The following CEP120 variants were observed in gnomAD, a reference collection of about 807,000 sequenced individuals.
CEP120 encodes centrosomal protein of 120 kDa.
In CEP120, 113 loss-of-function variants were observed where a neutral mutation model predicts 126.5. That is an observed-to-expected ratio of 0.89 (90% confidence interval 0.77 to 1.04). The LOEUF is 1.04. Among genes scored for constraint, CEP120 ranks in the 50% least tolerant of loss-of-function variants. The probability of loss-of-function intolerance (pLI) is 0.00; values close to 1 mark genes in which losing one functional copy is unlikely to be tolerated. For missense variants in CEP120, 1,230 were observed against 1,155.7 expected, an observed-to-expected ratio of 1.06 and a Z score of -0.93; for synonymous variants, 400 against 394.3, an observed-to-expected ratio of 1.01 and a Z score of -0.17.
chr5:123,362,946 C>T (rs1462607476), intron 18 of CEP120, among the ~76,000 whole-genome samples: 1 of 151,616 alleles, frequency 6.6e-6, no homozygotes, highest in Non-Finnish European at 1.5e-5. Flanking sequence ...AACTGTATTT[C>T]CAAAACTGGA....
chr5:123,375,990 ATTCT>A (rs1207595299), intron 16 of CEP120, among the ~76,000 whole-genome samples: 2 of 143,686 alleles, frequency 1.4e-5, no homozygotes, highest in East Asian at 3.9e-4. Context: ...TAACAGCTTG[ATTCT>A]TTTTTTTTTT....
At chr5:123,373,495 G>A (rs1227622543) in intron 16 of CEP120, among the ~76,000 whole-genome samples, 4 of 152,038 alleles carry the variant, frequency 2.6e-5, no homozygotes, top group Non-Finnish European at 5.9e-5. Flanking sequence ...CCAAAGAACA[G>A]GAGCATAAAG....
chr5:123,423,140 C>A lies in CEP120; in HGVS notation c.-142G>T. ...CCCGGACCCCGCTCCGCAGCCAGGT[C>A]CCACCGCCGTCTGCTGCAGCGCGCC... On this transcript the variant is annotated 5_prime_UTR_variant, in exon 1 of 20. Transcript: ENST00000306467. 1 of 684,156 alleles carries A rather than the reference C, an allele frequency of 1.5e-6. No individual in the cohort carries two copies. Among genetic ancestry groups the A allele is most frequent in the Non-Finnish European group, 2.6e-6 (1 of 391,638 alleles). The allele number at this position is 684,156 out of a possible 1,614,324, so 42.4% of individuals were successfully genotyped here. A position where few individuals can be genotyped will look rare whatever the true frequency, so the allele number is the denominator to read the frequency against.
At position 123,391,166 on chromosome 5, in the gene CEP120, G is replaced by C; in HGVS notation, c.982C>G (p.Leu328Val). 6.2e-7 allele frequency: 1 copy of C among 1,614,178 alleles called. No individual in the cohort carries two copies. Among genetic ancestry groups the C allele is most frequent in the Non-Finnish European group, 8.5e-7 (1 of 1,180,026 alleles). The change falls in exon 7 of 20, where the codon CTA (leucine) becomes GTA (valine). Residue 328 changes from leucine (L) to valine (V), a missense_variant. Physicochemically the swap from Leu to Val is conservative, Grantham distance 32 (BLOSUM62 1). Transcript: ENST00000306467. The part of the protein sequence containing the change: ...KQKLAPIPVE[L>V]APTVGVSVAL... ...ACAGACACTCCCACAGTTGGGGCTAGCTCCACAGGAATAGGTGCAAGCTTC... is the reference window on the plus strand; with the variant it reads ...ACAGACACTCCCACAGTTGGGGCTACCTCCACAGGAATAGGTGCAAGCTTC...
chr5:123,347,431 T>A (rs1768903847), intron 19 of CEP120, among the ~76,000 whole-genome samples: 2 of 152,214 alleles, frequency 1.3e-5, no homozygotes, highest in Admixed American at 1.3e-4. Context: ...AGTTGAGTTG[T>A]ATCTCTATTT....
rs753990487 is a variant in CEP120, at chr5:123,364,563, G to C, written c.2513C>G (p.Thr838Ser). Residue 838 changes from threonine (T) to serine (S), a missense_variant, in exon 18 of 20, where the codon ACT becomes AGT. Thr to Ser is a moderately conservative substitution (Grantham distance 58). Coordinates refer to ENST00000306467, the MANE Select transcript of CEP120 (RefSeq NM_001375405.1). ...CTGCTTGTAATGCAGTTTAGACTTA[G>C]TTGCAGATTCCAACTTTCTTTCAAG... is the stretch of plus-strand genomic sequence containing the variant. ...VELERKLESATKSKLHYKQQW... is the reference protein window; with the variant it reads ...VELERKLESASKSKLHYKQQW... 2.5e-6 allele frequency: 4 copies of C among 1,605,908 alleles called. No homozygotes were observed. The highest frequency in any genetic ancestry group is 8.5e-7 in the Non-Finnish European group (1 of 1,174,850).
chr5:123,384,817 A>G (rs1771907634), intron 11 of CEP120, 134 bp downstream of exon 11: 2 of 716,642 alleles, frequency 2.8e-6, no homozygotes, highest in South Asian at 2.1e-5. Flanking sequence ...AAGATCAGAA[A>G]AAGGAGGTTA....
chr5:123,418,860 G>A (rs1774541973), intron 1 of CEP120, among the ~76,000 whole-genome samples: 1 of 152,146 alleles, frequency 6.6e-6, no homozygotes, highest in South Asian at 2.1e-4. Context: ...TGGGATTACA[G>A]GCATGAGCCA....
Position 123,423,330 on chromosome 5 carries a change from G to GCCGCCGCCGCGC in CEP120, c.-344_-333dup. On this transcript the variant is annotated 5_prime_UTR_variant, in exon 1 of 20. Coordinates refer to ENST00000306467, the MANE Select transcript of CEP120 (RefSeq NM_001375405.1). ...TTCAAACGCCCGGGCGGCCGCAGCG[G>GCCGCCGCCGCGC]CCGCCGCCGCGCCCAGCTTCCGCCT... is the stretch of plus-strand genomic sequence containing the variant. The GCCGCCGCCGCGC allele has an allele frequency of 2.9e-6, 1 of 345,384 alleles. No homozygotes were observed. Among genetic ancestry groups the GCCGCCGCCGCGC allele is most frequent in the Non-Finnish European group, 5.3e-6 (1 of 188,164 alleles). The allele number at this position is 345,384 out of a possible 1,614,324, so 21.4% of individuals were successfully genotyped here. A position where few individuals can be genotyped will look rare whatever the true frequency, so the allele number is the denominator to read the frequency against.
chr5:123,399,799 G>C (rs1342580997), intron 4 of CEP120, among the ~76,000 whole-genome samples: 2 of 152,158 alleles, frequency 1.3e-5, no homozygotes, highest in East Asian at 3.9e-4. Context: ...ATATCATACA[G>C]TCCTTCTGTA....
intron 4 of CEP120, chr5:123,401,514 C>T (rs62376438): frequency 0.44 from 560,596 of 1,282,874 alleles, 123,421 homozygotes; most frequent in Middle Eastern, 0.49. Flanking sequence ...CTCTCAGCCT[C>T]GGCCTGGCTG....
At chr5:123,347,531 T>C (rs1330450177) in intron 19 of CEP120, among the ~76,000 whole-genome samples, 1 of 152,206 alleles carries the variant, frequency 6.6e-6, no homozygotes, top group African/African-American at 2.4e-5. Flanking sequence ...ATGTTTGTTA[T>C]AATCTCATTT....
intron 5 of CEP120, among the ~76,000 whole-genome samples, 157 bp downstream of exon 5, chr5:123,398,979 T>G (rs1304461375): frequency 1.3e-5 from 2 of 152,090 alleles, no homozygotes; most frequent in African/African-American, 4.8e-5. Flanking sequence ...AATTAAGAAG[T>G]TTTCTTTCCA....
chr5:123,403,015 C>T (rs753585413), intron 4 of CEP120, among the ~76,000 whole-genome samples: 2 of 152,208 alleles, frequency 1.3e-5, no homozygotes, highest in African/African-American at 2.4e-5. Flanking sequence ...GCCTCCAGCA[C>T]TGCGAGAAAT....
intron 17 of CEP120, among the ~76,000 whole-genome samples, chr5:123,371,936 G>A (rs924220662): frequency 1.3e-5 from 2 of 151,982 alleles, no homozygotes; most frequent in Non-Finnish European, 2.9e-5. Flanking sequence ...TTTTAATCAT[G>A]CCTAAAAGTT....
In CEP120 at chr5:123,353,729, T is replaced by C. The variant is rs868009738; in HGVS notation, c.2581-3640A>G. On this transcript the variant is annotated intron_variant, in intron 18 of 19. Coordinates refer to ENST00000306467, the MANE Select transcript of CEP120 (RefSeq NM_001375405.1). ...GTGTATCAGTTTTGGAAGTTCTTCT[T>C]TCAAATTCACATGAAATTGTTCATA... 5.9e-4 allele frequency among the ~76,000 whole-genome samples: 89 copies of C among 152,114 alleles called. 3 individuals carry two copies. Among genetic ancestry groups the C allele is most frequent in the Middle Eastern group, 3.4e-3 (1 of 294 alleles).
At chr5:123,405,964 A>C (rs891978545) in intron 4 of CEP120, among the ~76,000 whole-genome samples, 9 of 152,206 alleles carry the variant, frequency 5.9e-5, no homozygotes, top group African/African-American at 2.2e-4. Flanking sequence ...AGTAGACAGC[A>C]TACAAGAACA....
At chr5:123,379,959 T>C (rs1407720000) in intron 14 of CEP120, among the ~76,000 whole-genome samples, 1 of 152,100 alleles carries the variant, frequency 6.6e-6, no homozygotes, top group Non-Finnish European at 1.5e-5. Context: ...GTAATGACTA[T>C]CTTCAGCTAT....
intron 1 of CEP120, chr5:123,422,716 G>C (rs2127150146): frequency 2.8e-6 from 2 of 711,946 alleles, no homozygotes; most frequent in East Asian, 5.4e-5. Context: ...TAGATTCTCT[G>C]GGGCTACGGC....
Sources: gnomAD v4.1 joint callset for allele counts (sites outside exome capture counted in the v4.1 genomes callset) on GRCh38, gnomAD v4.1.1 for gene constraint, MANE v1.5 for transcripts, NCBI Gene and HGNC (gene_info 2026-07-23, HGNC 2026-07-21) for gene names.